Variants in PXN observed in about 807,000 individuals in gnomAD.
PXN encodes testicular tissue protein Li 134.
In PXN, 61 loss-of-function variants were observed where a neutral mutation model predicts 103.6. The observed-to-expected ratio is 0.59, with a 90% CI of 0.48 to 0.73. PXN has a LOEUF of 0.73. Ranked by LOEUF, PXN falls within the 30% of genes least tolerant of loss-of-function variation. The pLI is 0.00. For synonymous variants in PXN, 562 were observed against 607.8 expected (o/e 0.92, Z 1.11); for missense variants, 1,274 against 1,460.3 (o/e 0.87, Z 2.08).
rs1383644788 is a variant in PXN, at chr12:120,211,901, G to A, written c.*413C>T. The A allele has an allele frequency of 1.9e-6, 1 of 523,214 alleles. No homozygotes were observed. The highest frequency in any genetic ancestry group is 1.9e-5 in the African/African-American group (1 of 52,186). 32.4% of individuals were successfully genotyped at this position (523,214 alleles called of 1,614,324 possible). A position where few individuals can be genotyped will look rare whatever the true frequency, so the allele number is the denominator to read the frequency against. ...CACAGAACAAAGACAATTAGGTCGG[G>A]GGAGGAATAAGGATAAAAAGAGACC... On this transcript the variant is annotated 3_prime_UTR_variant, in exon 15 of 15. Transcript: ENST00000637617.
chr12:120,243,515 C>T (rs947124549), intron 1 of PXN, among the ~76,000 whole-genome samples: 2 of 152,170 alleles, frequency 1.3e-5, no homozygotes, highest in Non-Finnish European at 2.9e-5. Flanking sequence ...CACAGCAAGA[C>T]CCTGTCTCTA....
intron 1 of PXN, among the ~76,000 whole-genome samples, chr12:120,244,617 C>T (rs1247015872): frequency 6.7e-6 from 1 of 150,074 alleles, no homozygotes; most frequent in Non-Finnish European, 1.5e-5. Context: ...CACTGCACTC[C>T]AGCCTGGATG....
chr12:120,261,419 G>T (rs151221705), intron 1 of PXN, among the ~76,000 whole-genome samples: 2 of 152,062 alleles, frequency 1.3e-5, no homozygotes, highest in East Asian at 1.9e-4. Flanking sequence ...TTGAACTCCT[G>T]ACCTCAAAAG....
Position 120,215,520 on chromosome 12 carries a change from G to C in PXN, c.2403+40C>G. On this transcript the variant is annotated intron_variant, in intron 10 of 14. Coordinates refer to ENST00000637617, the MANE Select transcript of PXN (RefSeq NM_001385981.1). This position sits in a 1 kb window ranked among gnomAD's most constrained non-coding sequence, Gnocchi z 4.9. Reference sequence around the variant, plus strand: ...GCAGGCATGGCCAAGCCCAGGGAGAGCACGACACGCAGGACACCCAGCCCA... The same window carrying C: ...GCAGGCATGGCCAAGCCCAGGGAGACCACGACACGCAGGACACCCAGCCCA... 6.5e-7 allele frequency: 1 copy of C among 1,538,134 alleles called. No individual in the cohort carries two copies. The highest frequency in any genetic ancestry group is 8.7e-7 in the Non-Finnish European group (1 of 1,144,582).
rs1480924395 is a variant in PXN, at chr12:120,217,012, G to A, written c.1821C>T (p.Thr607=). Residue 607 remains threonine (T), a synonymous_variant, in exon 8 of 15, where the codon ACC becomes ACT. Transcript: ENST00000637617. The surrounding 1 kb of genome is among the most constrained non-coding windows in gnomAD (Gnocchi z 4.1). ...RRLDPATLSR[T]PSQEQLIAEL... ...CCGCGATGAGCTGTTCCTGGGATGGGGTCCTGCTCAAGGTGGCAGGGTCCA... is the reference window on the plus strand; with the variant it reads ...CCGCGATGAGCTGTTCCTGGGATGGAGTCCTGCTCAAGGTGGCAGGGTCCA... The A allele has an allele frequency of 2.5e-6, 4 of 1,575,616 alleles. No individual in the cohort carries two copies. The highest frequency in any genetic ancestry group is 3.4e-6 in the Non-Finnish European group (4 of 1,169,176).
chr12:120,224,160 G>A lies in PXN; in HGVS notation c.231C>T (p.Ile77=), dbSNP rs750952425. ...DQWQPSSSRF[I]HQQPQSSSPV... is the part of the protein sequence containing the mutation. ...ACTGTCCCCGCCTCACCTGCTGGTGGATGAATCGGGAGCTGCTGGGCTGCC... is the reference window on the plus strand; with the variant it reads ...ACTGTCCCCGCCTCACCTGCTGGTGAATGAATCGGGAGCTGCTGGGCTGCC... Residue 77 remains isoleucine, a synonymous_variant, in exon 2 of 15, where the codon ATC becomes ATT. Coordinates refer to ENST00000637617, the MANE Select transcript of PXN (RefSeq NM_001385981.1). This position sits in a 1 kb window ranked among gnomAD's most constrained non-coding sequence, Gnocchi z 5.0. 3.2e-6 allele frequency: 5 copies of A among 1,578,442 alleles called. No individual in the cohort carries two copies. Among genetic ancestry groups the A allele is most frequent in the Non-Finnish European group, 4.3e-6 (5 of 1,161,268 alleles).
Sources: gnomAD v4.1 joint callset for allele counts (sites outside exome capture counted in the v4.1 genomes callset) on GRCh38, gnomAD v4.1.1 for gene constraint, Gnocchi (gnomAD v3.1) non-coding constraint, MANE v1.5 for transcripts, NCBI Gene and HGNC (gene_info 2026-07-23, HGNC 2026-07-21) for gene names.